The following CENPK variants were observed in gnomAD, a reference collection of about 807,000 sequenced individuals.
CENPK encodes SoxLZ/Sox6-binding protein Solt.
Under a neutral mutation model 40.9 loss-of-function variants are expected in CENPK, and 46 were observed. The ratio of observed to expected loss-of-function variants is 1.13; its 90% CI spans 0.89 to 1.44. The LOEUF is 1.44. Ranked by LOEUF, CENPK falls within the 40% of genes most tolerant of loss-of-function variation. CENPK has a pLI of 0.00. For missense variants in CENPK, 288 were observed against 303.5 expected (o/e 0.95, Z 0.38); for synonymous variants, 107 against 104.4 (o/e 1.02, Z -0.15).
chr5:65,519,477 G>C (rs706658), intron 10 of CENPK, among the ~76,000 whole-genome samples: 61,881 of 152,046 alleles, frequency 0.41, 12,952 homozygotes, highest in East Asian at 0.65. Flanking sequence ...AATTACAAAA[G>C]TAGAACTCAG....
intron 9 of CENPK, among the ~76,000 whole-genome samples, chr5:65,526,259 T>A (rs988972379): frequency 2.0e-5 from 3 of 151,804 alleles, no homozygotes; most frequent in African/African-American, 7.3e-5. Flanking sequence ...AATAAATCAG[T>A]GAGTTGTTGC....
the CENPK span, among the ~76,000 whole-genome samples, chr5:65,498,298 T>C: frequency 1.9e-4 from 29 of 152,132 alleles, no homozygotes; most frequent in Admixed American, 1.9e-3. Flanking sequence ...CATCTAGGGA[T>C]TGAGGGCATA....
At position 65,521,048 on chromosome 5, in the gene CENPK, A is replaced by T. The variant is rs73762019; in HGVS notation, c.651+427T>A. On this transcript the variant is annotated intron_variant, in intron 10 of 10. Transcript: ENST00000396679. ...TTTTTAAAAATTGTACAATTTCTAC[A>T]ACTTTGTGGAAAGAATCTTTAAGTT... Among the ~76,000 whole-genome samples the T allele has an allele frequency of 6.1e-3, 922 of 152,294 alleles. 8 individuals carry two copies. Among genetic ancestry groups the T allele is most frequent in the African/African-American group, 0.02 (841 of 41,564 alleles).
chr5:65,533,074 CTT>C (rs1446801750), intron 6 of CENPK, among the ~76,000 whole-genome samples: 1 of 151,772 alleles, frequency 6.6e-6, no homozygotes, highest in African/African-American at 2.4e-5. Flanking sequence ...AAATAAAAGA[CTT>C]AGGCCAGGGG....
chr5:65,509,009 T>A, the CENPK span, among the ~76,000 whole-genome samples: 5 of 152,144 alleles, frequency 3.3e-5, no homozygotes, highest in Admixed American at 3.3e-4. Flanking sequence ...TTTGTAAACA[T>A]ACATTTAAGA....
chr5:65,501,089 A>G, the CENPK span, among the ~76,000 whole-genome samples: 1 of 151,324 alleles, frequency 6.6e-6, no homozygotes, highest in Non-Finnish European at 1.5e-5. Context: ...AAACTTTTCA[A>G]TATGATTCTT....
chr5:65,546,432 TC>T (rs1749000747), intron 5 of CENPK, among the ~76,000 whole-genome samples: 1 of 152,222 alleles, frequency 6.6e-6, no homozygotes, highest in Non-Finnish European at 1.5e-5. Flanking sequence ...AGTTCATGAA[TC>T]TGAGGTGTCT....
downstream of CENPK, among the ~76,000 whole-genome samples, chr5:65,516,989 C>T (rs759833968): frequency 3.3e-5 from 5 of 151,880 alleles, no homozygotes; most frequent in Non-Finnish European, 4.4e-5. Flanking sequence ...GTCACCCAGG[C>T]TGGAGTGCAG....
the CENPK span, among the ~76,000 whole-genome samples, chr5:65,511,233 C>G: frequency 6.6e-6 from 1 of 152,244 alleles, no homozygotes; most frequent in South Asian, 2.1e-4. Flanking sequence ...AGGAAAGAAG[C>G]CATCTCCATA....
intron 2 of CENPK, chr5:65,561,240 G>A (rs759611818): frequency 3.9e-6 from 1 of 254,992 alleles, no homozygotes; most frequent in South Asian, 4.3e-5. Context: ...GCCAAAATCA[G>A]TCATCATGAA....
At chr5:65,542,922 G>GT (rs1748232298) in intron 5 of CENPK, 74 bp from the exon 6 acceptor site, 1 of 1,311,504 alleles carries the variant, frequency 7.6e-7, no homozygotes, top group Non-Finnish European at 1.1e-6. Context: ...TAATTTTGCG[G>GT]TTTTCTAAGA....
chr5:65,558,684 A>T lies in CENPK; in HGVS notation c.-40+2779T>A, dbSNP rs114109113. Among the ~76,000 whole-genome samples the T allele has an allele frequency of 2.3e-3, 347 of 152,362 alleles. 2 individuals carry two copies. The highest frequency in any genetic ancestry group is 8.0e-3 in the African/African-American group (333 of 41,588). ...CCTGAGATTAGTATCATGAGTTTAA[A>T]GTAAAACCAGAGCATGGTTGTATGT... is the stretch of plus-strand genomic sequence containing the variant. On this transcript the variant is annotated intron_variant, in intron 2 of 10. Coordinates refer to ENST00000396679, the MANE Select transcript of CENPK (RefSeq NM_022145.5).
chr5:65,525,013 T>G (rs912991164), intron 9 of CENPK, among the ~76,000 whole-genome samples: 15 of 152,160 alleles, frequency 9.9e-5, no homozygotes, highest in African/African-American at 3.6e-4. Context: ...AAAGAAATAT[T>G]TATCCGAGTT....
the CENPK span, among the ~76,000 whole-genome samples, chr5:65,509,959 ATGT>A: frequency 2.0e-5 from 3 of 152,242 alleles, no homozygotes; most frequent in African/African-American, 7.2e-5. Flanking sequence ...TAAATAATAA[ATGT>A]TGTGTGTATT....
Position 65,518,169 on chromosome 5 carries a change from C to A in CENPK, c.*306G>T. On this transcript the variant is annotated 3_prime_UTR_variant, in exon 11 of 11. Transcript: ENST00000396679. Reference sequence around the variant, plus strand: ...ATATTTTAAGAAAATATTATATTAGCAATATCATAAATCAACAAAGAATCC... The same window carrying A: ...ATATTTTAAGAAAATATTATATTAGAAATATCATAAATCAACAAAGAATCC... The A allele has an allele frequency of 5.7e-6, 1 of 175,710 alleles. No individual in the cohort carries two copies. Among genetic ancestry groups the A allele is most frequent in the Non-Finnish European group, 1.2e-5 (1 of 84,100 alleles). The allele number at this position is 175,710 out of a possible 1,614,324, so 10.9% of individuals were successfully genotyped here.
At chr5:65,528,795 T>C (rs1297053672) in intron 8 of CENPK, 124 bp downstream of exon 8, 2 of 893,222 alleles carry the variant, frequency 2.2e-6, no homozygotes, top group Admixed American at 6.5e-5. Flanking sequence ...TAATAGCTAA[T>C]AGTTAACAAA....
the CENPK span, among the ~76,000 whole-genome samples, chr5:65,510,784 A>AT: frequency 6.6e-6 from 1 of 151,896 alleles, no homozygotes; most frequent in Admixed American, 6.6e-5. Flanking sequence ...CTCAAAAAAA[A>AT]AAAAAGAAAG....
At chr5:65,501,399 G>A in the CENPK span, among the ~76,000 whole-genome samples, 1 of 151,848 alleles carries the variant, frequency 6.6e-6, no homozygotes, top group Non-Finnish European at 1.5e-5. Context: ...GGCTGGTCCC[G>A]AACTCCTGAC....
chr5:65,527,559 T>C (rs867836009), intron 9 of CENPK, among the ~76,000 whole-genome samples: 6 of 126,608 alleles, frequency 4.7e-5, no homozygotes, highest in Non-Finnish European at 8.3e-5. Flanking sequence ...ATATATGAAC[T>C]GTTCACAATC....
Sources: allele counts gnomAD v4.1 joint callset (sites outside exome capture counted in the v4.1 genomes callset), GRCh38; gene constraint gnomAD v4.1.1; transcripts MANE v1.5; gene names NCBI Gene and HGNC (gene_info 2026-07-23, HGNC 2026-07-21).